The following MPHOSPH9 variants were observed in gnomAD, a reference collection of about 807,000 sequenced individuals.
The protein encoded by MPHOSPH9 is M-phase phosphoprotein 9.
In MPHOSPH9, 88 loss-of-function variants were observed where a neutral mutation model predicts 145.5. That is an observed-to-expected ratio of 0.60 (90% CI 0.51 to 0.72). MPHOSPH9 has a LOEUF of 0.72. Ranked by LOEUF, MPHOSPH9 falls within the 30% of genes least tolerant of loss-of-function variation. MPHOSPH9 has a pLI of 0.00. For synonymous variants in MPHOSPH9, 435 were observed against 486.2 expected (o/e 0.89, Z 1.39); for missense variants, 1,238 against 1,386.6 (o/e 0.89, Z 1.70).
chr12:123,181,979 G>A (rs1243439505), intron 13 of MPHOSPH9, among the ~76,000 whole-genome samples: 1 of 151,620 alleles, frequency 6.6e-6, no homozygotes, highest in African/African-American at 2.4e-5. Flanking sequence ...TCTTTAGATG[G>A]AGTCGCTCTG....
At chr12:123,201,428 G>A (rs1044866193) in intron 11 of MPHOSPH9, among the ~76,000 whole-genome samples, 2 of 152,042 alleles carry the variant, frequency 1.3e-5, no homozygotes, top group Admixed American at 6.6e-5. Flanking sequence ...CACCCAGGCT[G>A]GAGTGCAGTG....
chr12:123,206,511 GGAGAA>G (rs1401053203), intron 8 of MPHOSPH9, among the ~76,000 whole-genome samples: 32 of 87,826 alleles, frequency 3.6e-4, no homozygotes, highest in Admixed American at 1.6e-3. Flanking sequence ...GGAGAGGAGA[GGAGAA>G]GAGAAGAGAA....
intron 16 of MPHOSPH9, among the ~76,000 whole-genome samples, chr12:123,175,703 C>T (rs1446335795): frequency 8.2e-6 from 1 of 122,278 alleles, no homozygotes; most frequent in Admixed American, 1.1e-4. Context: ...CAATTCTATG[C>T]ACAGGTGACT....
intron 17 of MPHOSPH9, 150 bp downstream of exon 17, chr12:123,166,505 T>C (rs953257723): frequency 9.1e-6 from 8 of 876,824 alleles, no homozygotes; most frequent in Non-Finnish European, 1.3e-5. Context: ...ATTCTAAAAG[T>C]AGTAGCCTTT....
At chr12:123,176,819 G>C in intron 15 of MPHOSPH9, 30 bp from the exon 16 acceptor site, 1 of 1,515,974 alleles carries the variant, frequency 6.6e-7, no homozygotes. Flanking sequence ...GATAAATTAA[G>C]TACATTTCAA....
intron 10 of MPHOSPH9, 87 bp downstream of exon 10, chr12:123,202,537 G>A (rs1171211093): frequency 1.5e-6 from 2 of 1,331,664 alleles, no homozygotes; most frequent in Non-Finnish European, 1.0e-6. Context: ...AAGACTTTAT[G>A]CAATACTGAA....
intron 3 of MPHOSPH9, among the ~76,000 whole-genome samples, chr12:123,224,149 T>TTG (rs1227300633): frequency 2.1e-5 from 3 of 144,190 alleles, no homozygotes; most frequent in Non-Finnish European, 4.6e-5. Context: ...TTTTTTTTTT[T>TTG]TTGGAGACAG....
At position 123,156,904 on chromosome 12, in the gene MPHOSPH9, G is replaced by A; in HGVS notation, c.3455C>T (p.Ala1152Val). 8.8e-6 allele frequency: 14 copies of A among 1,599,940 alleles called. No homozygotes were observed. The highest frequency in any genetic ancestry group is 1.2e-5 in the Non-Finnish European group (14 of 1,169,712). Residue 1152 changes from alanine to valine, a missense_variant, in exon 24 of 24, where the codon GCC (alanine) becomes GTC (valine). Transcript: ENST00000606320. ...ITLQTRLNQE[A>V]LEDRLERINR... is the part of the protein sequence containing the mutation. ...AATCCTTTCCAAACGATCTTCCAAG[G>A]CTTCCTAGGTGAAAACAATGGGAAA... is the stretch of plus-strand genomic sequence containing the variant.
At chr12:123,190,753 C>T (rs2045642630) in intron 13 of MPHOSPH9, among the ~76,000 whole-genome samples, 1 of 152,140 alleles carries the variant, frequency 6.6e-6, no homozygotes, top group Admixed American at 6.6e-5. Context: ...ATGAGGATAA[C>T]AGAGCACATT....
chr12:123,181,333 T>G, intron 13 of MPHOSPH9, 123 bp from the exon 14 acceptor site: 1 of 720,600 alleles, frequency 1.4e-6, no homozygotes, highest in Non-Finnish European at 2.3e-6. Context: ...AAGAGAAAGG[T>G]CAATAGAGAA....
chr12:123,220,828 G>C lies in MPHOSPH9; in HGVS notation c.872+544C>G, dbSNP rs543541285. ...CCCAGCACTTTGGGAGGCAGAGGCG[G>C]GCAGATCACAAGGTCAGGAGATCGA... On this transcript the variant is annotated intron_variant, in intron 5 of 23. Transcript: ENST00000606320. 1.1e-4 allele frequency among the ~76,000 whole-genome samples: 17 copies of C among 152,174 alleles called. No individual in the cohort carries two copies. In the South Asian group the frequency reaches 2.7e-3, roughly 24 times the overall value.
At chr12:123,243,961 AC>A (rs1370415756) in exon 1 of MPHOSPH9, 1 of 152,324 alleles carries the variant, frequency 6.6e-6, no homozygotes, top group East Asian at 1.9e-4. Context: ...GGGGAAGTTG[AC>A]CGAGGGTGAG....
At position 123,165,454 on chromosome 12, in the gene MPHOSPH9, T is replaced by C; in HGVS notation, c.2615A>G (p.Asp872Gly). 6.2e-7 allele frequency: 1 copy of C among 1,613,968 alleles called. No individual in the cohort carries two copies. The highest frequency in any genetic ancestry group is 8.5e-7 in the Non-Finnish European group (1 of 1,180,010). The change falls in exon 18 of 24, where the codon GAT becomes GGT. Residue 872 changes from aspartate (D) to glycine (G), a missense_variant. This residue lies in a region of MPHOSPH9 where 393 missense variants were observed against 462.5 expected (regional missense o/e 0.85). Coordinates refer to ENST00000606320, the MANE Select transcript of MPHOSPH9 (RefSeq NM_022782.4). ...TGTTGATGAACTTCCAGGTGAAGAA[T>C]CCTTTTCCAGAGGTGAACGGTGCCT... ...SLGHRSPLEK[D>G]SSPGSSSTSL... is the part of the protein sequence containing the mutation.
rs1035334755 is a variant in MPHOSPH9, at chr12:123,217,708, C to G, written c.996+668G>C. Among the ~76,000 whole-genome samples the G allele has an allele frequency of 5.3e-5, 8 of 152,136 alleles. No individual in the cohort carries two copies. The South Asian group carries it at 1.2e-3, about 24-fold the overall frequency. ...TAGCCTACTAAAGAAGAAACACTTA[C>G]AGCAAATCATTATTTCTAATCCTCT... On this transcript the variant is annotated intron_variant, in intron 6 of 23. Transcript: ENST00000606320.
chr12:123,234,795 C>T (rs2047813100), upstream of MPHOSPH9, among the ~76,000 whole-genome samples: 1 of 152,160 alleles, frequency 6.6e-6, no homozygotes. Flanking sequence ...CCAGGACTTA[C>T]TTCATTGAAG....
intron 3 of MPHOSPH9, 35 bp downstream of exon 3, chr12:123,227,428 T>A (rs2047475650): frequency 7.2e-7 from 1 of 1,395,800 alleles, no homozygotes; most frequent in African/African-American, 1.4e-5. Flanking sequence ...AACATAATTA[T>A]TTTAAAATTC....
intron 4 of MPHOSPH9, among the ~76,000 whole-genome samples, chr12:123,222,387 T>A (rs2047241815): frequency 4.3e-5 from 6 of 139,558 alleles, no homozygotes. Context: ...AAAAGGATGC[T>A]GGGTGTGGTG....
intron 17 of MPHOSPH9, 86 bp downstream of exon 17, chr12:123,166,569 G>A: frequency 6.9e-7 from 1 of 1,449,406 alleles, no homozygotes; most frequent in Non-Finnish European, 9.5e-7. Flanking sequence ...GAACCAAAGA[G>A]AGGGCTTCCC....
intron 16 of MPHOSPH9, among the ~76,000 whole-genome samples, chr12:123,168,339 TTC>T: frequency 6.7e-6 from 1 of 148,616 alleles, no homozygotes. Context: ...CAACATGACT[TTC>T]TTTTTTTTTT....
Sources: gnomAD v4.1 joint callset for allele counts (sites outside exome capture counted in the v4.1 genomes callset) on GRCh38, gnomAD v4.1.1 for gene constraint, gnomAD v4.1.1 regional missense constraint, MANE v1.5 for transcripts, NCBI Gene and HGNC (gene_info 2026-07-23, HGNC 2026-07-21) for gene names.